The following MYOM2 variants were observed in gnomAD, a reference collection of about 807,000 sequenced individuals.
The protein encoded by MYOM2 is myomesin-2.
In MYOM2, 254 loss-of-function variants were observed where a neutral mutation model predicts 187.6. That is an observed-to-expected ratio of 1.35 (90% CI 1.22 to 1.50). The LOEUF (loss-of-function observed/expected upper bound fraction) is 1.50, where lower values mean the gene tolerates loss of function less well. MYOM2 is among the 40% of genes most tolerant of loss of function. MYOM2 has a pLI of 0.00. For synonymous variants in MYOM2, 981 were observed against 753.8 expected, an observed-to-expected ratio of 1.30 and a Z score of -4.94; for missense variants, 2,796 against 1,924.0, an observed-to-expected ratio of 1.45 and a Z score of -8.48.
chr8:2,090,697 C>A (rs1796270916), intron 15 of MYOM2, among the ~76,000 whole-genome samples: 1 of 152,196 alleles, frequency 6.6e-6, no homozygotes, highest in Admixed American at 6.5e-5. Context: ...TTAGCTCCCA[C>A]TTATGAGTGA....
intron 14 of MYOM2, among the ~76,000 whole-genome samples, chr8:2,087,586 C>G (rs1490421002): frequency 6.6e-6 from 1 of 152,160 alleles, no homozygotes; most frequent in Non-Finnish European, 1.5e-5. Context: ...TCCACCAATA[C>G]CAGAAACACC....
intron 2 of MYOM2, among the ~76,000 whole-genome samples, chr8:2,051,898 G>T (rs1031834178): frequency 2.6e-5 from 4 of 152,174 alleles, no homozygotes; most frequent in Admixed American, 2.6e-4. Flanking sequence ...CTTGTGGGAA[G>T]GCGTGTCCTT....
At chr8:2,113,145 G>A (rs1797123241) in intron 25 of MYOM2, among the ~76,000 whole-genome samples, 1 of 152,238 alleles carries the variant, frequency 6.6e-6, no homozygotes, top group Non-Finnish European at 1.5e-5. Context: ...CCGAGGCCGG[G>A]CATCCACACT....
At chr8:2,071,053 G>T (rs555143855) in intron 8 of MYOM2, among the ~76,000 whole-genome samples, 1 of 152,236 alleles carries the variant, frequency 6.6e-6, no homozygotes, top group Admixed American at 6.5e-5. Context: ...CTGCAGCCTT[G>T]ATCTCCCTGG....
intron 6 of MYOM2, among the ~76,000 whole-genome samples, chr8:2,063,889 C>G (rs1233250450): frequency 6.6e-6 from 1 of 152,234 alleles, no homozygotes; most frequent in Non-Finnish European, 1.5e-5. Flanking sequence ...CTCTCTCCAT[C>G]TATTCTGGGA....
intron 32 of MYOM2, among the ~76,000 whole-genome samples, chr8:2,132,146 ACT>A (rs1162675734): frequency 6.6e-6 from 1 of 152,232 alleles, no homozygotes; most frequent in Non-Finnish European, 1.5e-5. Context: ...GTTGCAATAT[ACT>A]TTAGCCATTT....
At chr8:2,089,318 A>G (rs1313710257) in intron 14 of MYOM2, among the ~76,000 whole-genome samples, 1 of 107,452 alleles carries the variant, frequency 9.3e-6, no homozygotes, top group African/African-American at 3.1e-5. Flanking sequence ...GAATGCAATT[A>G]AAATGAGCAA....
chr8:2,046,459 C>T (rs1051240602), intron 1 of MYOM2, among the ~76,000 whole-genome samples: 2 of 152,140 alleles, frequency 1.3e-5, no homozygotes, highest in African/African-American at 2.4e-5. Flanking sequence ...TGGGTTCGGC[C>T]GTGGCCCTAC....
Position 2,054,955 on chromosome 8 carries a change from G to A in MYOM2, c.264-2393G>A, listed in dbSNP as rs1235882818. Among the ~76,000 whole-genome samples the A allele has an allele frequency of 1.4e-5, 2 of 141,354 alleles. 1 individual carries two copies. Among genetic ancestry groups the A allele is most frequent in the Non-Finnish European group, 3.2e-5 (2 of 62,442 alleles). The allele number at this position is 141,354 out of a possible 152,430, so 92.7% of individuals were successfully genotyped here. A position where few individuals can be genotyped will look rare whatever the true frequency, so the allele number is the denominator to read the frequency against. ...GGATAATGGGGGAACGAAGTACCTG[G>A]ATACTGGGGGAACCAAGTACCTGGA... On this transcript the variant is annotated intron_variant, in intron 3 of 36. Transcript: ENST00000262113.
At chr8:2,097,885 C>A (rs6558605) in intron 18 of MYOM2, among the ~76,000 whole-genome samples, 1 of 152,006 alleles carries the variant, frequency 6.6e-6, no homozygotes, top group African/African-American at 2.4e-5. Flanking sequence ...ATCATCACCA[C>A]GCTGTGCAGG....
chr8:2,129,887 G>GTCTC (rs1797793106), intron 32 of MYOM2, among the ~76,000 whole-genome samples: 2 of 151,356 alleles, frequency 1.3e-5, no homozygotes, highest in African/African-American at 4.8e-5. Flanking sequence ...CCCAAAACAG[G>GTCTC]ACTCGCATCA....
At chr8:2,052,729 T>C (rs1449230300) in intron 3 of MYOM2, among the ~76,000 whole-genome samples, 2 of 152,166 alleles carry the variant, frequency 1.3e-5, no homozygotes, top group African/African-American at 4.8e-5. Flanking sequence ...GTGAGAGTAA[T>C]TCTGAATTTC....
rs370870889 is a variant in MYOM2 at position 2,106,230 on chromosome 8, C to G, written c.2735-12C>G. On this transcript the variant is annotated splice_polypyrimidine_tract_variant and intron_variant, in intron 21 of 36. Transcript: ENST00000262113. ...GTCCCTAAGCCGCTCACTTCATACT[C>G]TTCTTATGCAGGCACCAAGGAAATC... 113 of 1,613,798 alleles carry G rather than the reference C, an allele frequency of 7.0e-5. 1 individual carries two copies. The African/African-American group carries it at 1.3e-3, about 19-fold the overall frequency.
rs1193353405 is a variant in MYOM2 at position 2,079,586 on chromosome 8, A to C, written c.1489A>C (p.Ile497Leu). The change falls in exon 13 of 37, where the codon ATT becomes CTT. Residue 497 changes from isoleucine to leucine, a missense_variant. By Grantham distance (5) the Ile-to-Leu change is conservative. Coordinates refer to ENST00000262113, the MANE Select transcript of MYOM2 (RefSeq NM_003970.4). ...QAVHLEGEKE[I>L]AIYQDDLEGD... ...CGTTCATTTGGAGGGAGAGAAGGAGATTGCCATTTATCAGGATGACCTTGA... is the reference window on the plus strand; with the variant it reads ...CGTTCATTTGGAGGGAGAGAAGGAGCTTGCCATTTATCAGGATGACCTTGA... 1 of 1,614,104 alleles carries C rather than the reference A, an allele frequency of 6.2e-7. No individual in the cohort carries two copies. Among genetic ancestry groups the C allele is most frequent in the Admixed American group, 1.7e-5 (1 of 60,014 alleles).
intron 28 of MYOM2, 90 bp from the exon 29 acceptor site, chr8:2,123,162 G>T: frequency 6.1e-6 from 5 of 822,374 alleles, no homozygotes; most frequent in South Asian, 2.0e-5. Flanking sequence ...TTTTGAGGGG[G>T]GGGCTCTGTG....
At chr8:2,132,493 C>G (rs995712352) in intron 32 of MYOM2, among the ~76,000 whole-genome samples, 17 of 152,188 alleles carry the variant, frequency 1.1e-4, no homozygotes, top group African/African-American at 4.1e-4. Context: ...AATATATCAT[C>G]TAGACATGGC....
At chr8:2,125,949 A>G (rs900467836) in intron 31 of MYOM2, among the ~76,000 whole-genome samples, 3 of 152,190 alleles carry the variant, frequency 2.0e-5, no homozygotes, top group East Asian at 3.9e-4. Context: ...GAAAAACAAC[A>G]TCGAAATTTT....
chr8:2,089,723 A>G (rs1796228901), intron 14 of MYOM2, among the ~76,000 whole-genome samples: 1 of 152,200 alleles, frequency 6.6e-6, no homozygotes, highest in Admixed American at 6.5e-5. Context: ...ACTACTACCT[A>G]TGTATTGATT....
In MYOM2 at chr8:2,098,856, G is replaced by A. The variant is rs964310931; in HGVS notation, c.2314-1G>A. On this transcript the variant is annotated splice_acceptor_variant, in intron 18 of 36. Transcript: ENST00000262113. LOFTEE classifies it high-confidence loss of function. ...TATTAATTTAAACAAAATCTGAATA[G>A]GTGGACGGCTTGACGGAAGGCTCAC... 3 of 1,609,386 alleles carry A rather than the reference G, an allele frequency of 1.9e-6. No homozygotes were observed. The African/African-American group carries it at 4.0e-5, about 21-fold the overall frequency.
Sources: allele counts gnomAD v4.1 joint callset (sites outside exome capture counted in the v4.1 genomes callset), GRCh38; gene constraint gnomAD v4.1.1; transcripts MANE v1.5; gene names NCBI Gene and HGNC (gene_info 2026-07-23, HGNC 2026-07-21).